Variants in TMEM26 observed in about 807,000 individuals in gnomAD.
TMEM26 encodes transmembrane protein 26.
Under a neutral mutation model 28.8 loss-of-function variants are expected in TMEM26, and 38 were observed. The ratio of observed to expected loss-of-function variants is 1.32; its 90% CI spans 1.02 to 1.73. TMEM26 has a LOEUF of 1.73. TMEM26 is among the 40% of genes most tolerant of loss of function. TMEM26 has a pLI of 0.00. For missense variants in TMEM26, 518 were observed against 447.1 expected, an observed-to-expected ratio of 1.16 and a Z score of -1.43; for synonymous variants, 227 against 182.9, an observed-to-expected ratio of 1.24 and a Z score of -1.95.
Position 61,408,704 on chromosome 10 carries a change from A to G in TMEM26, c.*1618T>C, listed in dbSNP as rs1839525812. On this transcript the variant is annotated 3_prime_UTR_variant, in exon 6 of 6. Coordinates refer to ENST00000399298, the MANE Select transcript of TMEM26 (RefSeq NM_178505.8). ...TCTTGATCTTAACTTTCATAAAATT[A>G]TTATGGAAAATCATAAATGTATTCC... 2 of 152,212 alleles carry G rather than the reference A, an allele frequency of 1.3e-5. No individual in the cohort carries two copies. Among genetic ancestry groups the G allele is most frequent in the Non-Finnish European group, 2.9e-5 (2 of 68,028 alleles). 9.4% of individuals were successfully genotyped at this position (152,212 alleles called of 1,614,324 possible).
intron 1 of TMEM26, chr10:61,452,575 C>T (rs1053321918): frequency 3.2e-6 from 1 of 310,962 alleles, no homozygotes; most frequent in East Asian, 5.8e-5. Flanking sequence ...CAAGACTCCC[C>T]TATTTGCGGG....
intron 1 of TMEM26, among the ~76,000 whole-genome samples, chr10:61,446,725 A>C (rs952849394): frequency 7.7e-5 from 11 of 143,316 alleles, no homozygotes; most frequent in African/African-American, 2.8e-4. Flanking sequence ...AGGCCAAGGC[A>C]GGGGAATCGC....
chr10:61,426,376 A>G (rs1839832593), intron 4 of TMEM26, among the ~76,000 whole-genome samples: 1 of 152,180 alleles, frequency 6.6e-6, no homozygotes. Flanking sequence ...ACTAAATATC[A>G]TTAAACAATA....
At chr10:61,416,080 T>C in intron 4 of TMEM26, 1 of 450,068 alleles carries the variant, frequency 2.2e-6, no homozygotes. Flanking sequence ...AGTTGCCACT[T>C]GGGGTTAGTA....
intron 4 of TMEM26, among the ~76,000 whole-genome samples, chr10:61,418,622 T>C (rs1839692737): frequency 5.9e-5 from 9 of 152,254 alleles, no homozygotes; most frequent in South Asian, 4.1e-4. Flanking sequence ...GTGACAGCTT[T>C]GGAGTGGAGT....
At chr10:61,444,050 T>C (rs963091716) in intron 1 of TMEM26, among the ~76,000 whole-genome samples, 1 of 152,240 alleles carries the variant, frequency 6.6e-6, no homozygotes, top group Admixed American at 6.5e-5. Context: ...ATCTTTCTTT[T>C]CTGCACTCAT....
At chr10:61,431,039 T>C (rs531394662) in intron 3 of TMEM26, among the ~76,000 whole-genome samples, 180 bp downstream of exon 3, 59 of 152,094 alleles carry the variant, frequency 3.9e-4, no homozygotes, top group South Asian at 8.3e-4. Context: ...ATGTATATAC[T>C]TATGCATATT....
intron 2 of TMEM26, among the ~76,000 whole-genome samples, chr10:61,431,715 G>GTT (rs77720990): frequency 6.8e-6 from 1 of 146,220 alleles, no homozygotes; most frequent in African/African-American, 2.5e-5. Flanking sequence ...AAATTACAGT[G>GTT]TTTTTTTTTT....
chr10:61,439,869 G>C (rs1840064106), intron 1 of TMEM26, among the ~76,000 whole-genome samples: 1 of 152,146 alleles, frequency 6.6e-6, no homozygotes, highest in Non-Finnish European at 1.5e-5. Context: ...AGGACTCTTA[G>C]AGGACACCCA....
In TMEM26 at chr10:61,453,278, C is replaced by CTG; in HGVS notation, c.-198_-197insCA. 3 of 600,204 alleles carry CTG rather than the reference C, an allele frequency of 5.0e-6. No homozygotes were observed. The highest frequency in any genetic ancestry group is 2.9e-6 in the Non-Finnish European group (1 of 341,068). The allele number at this position is 600,204 out of a possible 1,614,324, so 37.2% of individuals were successfully genotyped here. A position where few individuals can be genotyped will look rare whatever the true frequency, so the allele number is the denominator to read the frequency against. ...CCCTCCCCCAAACTTCCTGAGAACT[C>CTG]TTCAAAGAGGGGTGAGTCCAAACCC... is the stretch of plus-strand genomic sequence containing the variant. On this transcript the variant is annotated 5_prime_UTR_variant, in exon 1 of 6. Coordinates refer to ENST00000399298, the MANE Select transcript of TMEM26 (RefSeq NM_178505.8).
intron 3 of TMEM26, among the ~76,000 whole-genome samples, chr10:61,430,936 G>A (rs1023579764): frequency 2.6e-5 from 4 of 151,816 alleles, no homozygotes; most frequent in African/African-American, 9.7e-5. Flanking sequence ...TTTCATAAAT[G>A]TATATGTCTC....
chr10:61,443,933 A>C (rs1840136798), intron 1 of TMEM26, among the ~76,000 whole-genome samples: 1 of 152,224 alleles, frequency 6.6e-6, no homozygotes, highest in South Asian at 2.1e-4. Flanking sequence ...TATCTTTCTC[A>C]TAAAATATTT....
At chr10:61,430,490 T>A (rs769349814) in intron 3 of TMEM26, among the ~76,000 whole-genome samples, 1 of 150,300 alleles carries the variant, frequency 6.7e-6, no homozygotes, top group Non-Finnish European at 1.5e-5. Context: ...ATAAAAGGTA[T>A]AGGGATTGGG....
At chr10:61,416,543 A>C (rs761092564) in intron 4 of TMEM26, among the ~76,000 whole-genome samples, 1 of 152,078 alleles carries the variant, frequency 6.6e-6, no homozygotes, top group Non-Finnish European at 1.5e-5. Flanking sequence ...TTAGAACAGC[A>C]TGTGACACAA....
Position 61,425,176 on chromosome 10 carries a change from G to A in TMEM26, c.605+3750C>T, listed in dbSNP as rs114533458. ...AGAGGGCTTGTGCAGGGAAACCTCC[G>A]TTTTTAAAACTATCAGATTTTGTGA... On this transcript the variant is annotated intron_variant, in intron 4 of 5. Transcript: ENST00000399298. Among the ~76,000 whole-genome samples the A allele has an allele frequency of 8.1e-3, 1,227 of 152,156 alleles. 20 individuals carry two copies. Among genetic ancestry groups the A allele is most frequent in the African/African-American group, 0.027 (1,133 of 41,536 alleles).
At chr10:61,452,165 CG>C (rs1259007683) in intron 1 of TMEM26, among the ~76,000 whole-genome samples, 2 of 152,102 alleles carry the variant, frequency 1.3e-5, no homozygotes, top group Non-Finnish European at 2.9e-5. Context: ...TCAAGCCTTT[CG>C]GGGAGGAAAT....
chr10:61,406,745 T>A lies in TMEM26; in HGVS notation c.*3577A>T, dbSNP rs1416569527. 1 of 152,078 alleles carries A rather than the reference T, an allele frequency of 6.6e-6. No homozygotes were observed. The highest frequency in any genetic ancestry group is 1.5e-5 in the Non-Finnish European group (1 of 67,978). 9.4% of individuals were successfully genotyped at this position (152,078 alleles called of 1,614,324 possible). ...CTGCAGAGAAAATATTCTTATATGG[T>A]ATTCTAGTAAGAAAGAGACAGAGGA... On this transcript the variant is annotated 3_prime_UTR_variant, in exon 6 of 6. Transcript: ENST00000399298.
intron 5 of TMEM26, among the ~76,000 whole-genome samples, 199 bp from the exon 6 acceptor site, chr10:61,410,945 G>T (rs117209081): frequency 2.0e-5 from 3 of 152,222 alleles, no homozygotes; most frequent in Non-Finnish European, 4.4e-5. Context: ...CCTGTGACTC[G>T]CATCCACATA....
At chr10:61,418,533 C>CA (rs899348517) in intron 4 of TMEM26, among the ~76,000 whole-genome samples, 27 of 151,854 alleles carry the variant, frequency 1.8e-4, no homozygotes, top group East Asian at 3.9e-4. Context: ...AGCAAAAAAA[C>CA]AAAAAAACCC....
Sources: gnomAD v4.1 joint callset for allele counts (sites outside exome capture counted in the v4.1 genomes callset) on GRCh38, gnomAD v4.1.1 for gene constraint, MANE v1.5 for transcripts, NCBI Gene and HGNC (gene_info 2026-07-23, HGNC 2026-07-21) for gene names.